The following HPSE2 variants were observed in gnomAD, a reference collection of about 807,000 sequenced individuals.
HPSE2 encodes the protein inactive heparanase-2.
A neutral mutation model predicts 60.5 loss-of-function variants in HPSE2; 38 were observed. That is an observed-to-expected ratio of 0.63 (90% CI 0.48 to 0.82). The LOEUF is 0.82. HPSE2 is among the 40% of genes least tolerant of loss of function. The pLI is 0.00. For synonymous variants in HPSE2, 295 were observed against 293.2 expected, an observed-to-expected ratio of 1.01 and a Z score of -0.06; for missense variants, 713 against 740.4, an observed-to-expected ratio of 0.96 and a Z score of 0.43.
At chr10:98,681,324 T>G (rs190877008) in intron 6 of HPSE2, among the ~76,000 whole-genome samples, 1 of 152,224 alleles carries the variant, frequency 6.6e-6, no homozygotes, top group East Asian at 1.9e-4. Flanking sequence ...AGATAAGTGG[T>G]GATACCAGTG....
At chr10:98,748,028 A>G (rs998880943) in intron 3 of HPSE2, among the ~76,000 whole-genome samples, 12 of 152,254 alleles carry the variant, frequency 7.9e-5, no homozygotes, top group African/African-American at 2.2e-4. Flanking sequence ...GCTGGGCGCA[A>G]TGGCTCACAC....
At chr10:98,815,745 T>A (rs181768495) in intron 3 of HPSE2, among the ~76,000 whole-genome samples, 180 of 152,254 alleles carry the variant, frequency 1.2e-3, no homozygotes, top group Admixed American at 4.7e-3. Context: ...TGATGGTTTG[T>A]GTTGTGCTAA....
chr10:98,490,059 G>A lies in HPSE2; in HGVS notation c.1458C>T (p.Asn486=), dbSNP rs1941585491. The A allele has an allele frequency of 6.2e-7, 1 of 1,614,200 alleles. No individual in the cohort carries two copies. The highest frequency in any genetic ancestry group is 8.5e-7 in the Non-Finnish European group (1 of 1,180,026). The change falls in exon 10 of 12, where the codon AAC becomes AAT. Residue 486 remains asparagine, a synonymous_variant. Transcript: ENST00000370552. ...DKLRIYAHCT[N]HHNHNYVRGS... ...TCTTTCTGAGGACTTACTTGTGGTG[G>A]TTTGTGCAGTGAGCATAAATCCTTA...
intron 3 of HPSE2, among the ~76,000 whole-genome samples, chr10:98,913,008 G>A (rs11189863): frequency 0.016 from 2,361 of 152,088 alleles, 61 homozygotes; most frequent in African/African-American, 0.054. Context: ...TGATTATTAC[G>A]CATTGCATGC....
At chr10:99,143,416 C>G (rs185427136) in intron 3 of HPSE2, among the ~76,000 whole-genome samples, 1 of 152,232 alleles carries the variant, frequency 6.6e-6, no homozygotes, top group Non-Finnish European at 1.5e-5. Flanking sequence ...CATAGCCTGT[C>G]AGACAATCCA....
chr10:99,157,878 T>C (rs989144371), intron 2 of HPSE2, among the ~76,000 whole-genome samples: 2 of 110,468 alleles, frequency 1.8e-5, no homozygotes, highest in African/African-American at 5.5e-5. Context: ...ATATCCAGAA[T>C]CTACAATGAA....
intron 3 of HPSE2, among the ~76,000 whole-genome samples, chr10:99,032,514 C>T (rs925882381): frequency 1.3e-5 from 2 of 152,102 alleles, no homozygotes; most frequent in African/African-American, 4.8e-5. Context: ...TTATTTATGC[C>T]TCTGCTTTTA....
At chr10:98,557,956 C>T (rs1375629493) in intron 9 of HPSE2, among the ~76,000 whole-genome samples, 1 of 152,066 alleles carries the variant, frequency 6.6e-6, no homozygotes, top group Non-Finnish European at 1.5e-5. Flanking sequence ...AAGAAAAGGA[C>T]AGACAGTTTG....
intron 2 of HPSE2, among the ~76,000 whole-genome samples, chr10:99,145,468 AAAG>A (rs886138195): frequency 1.3e-4 from 20 of 150,862 alleles, no homozygotes; most frequent in African/African-American, 4.1e-4. Flanking sequence ...AAAAAAAAAA[AAAG>A]AAGAAGAAGA....
At chr10:98,746,163 C>T (rs574835453) in intron 3 of HPSE2, among the ~76,000 whole-genome samples, 4 of 48,926 alleles carry the variant, frequency 8.2e-5, no homozygotes, top group Non-Finnish European at 2.4e-4. Flanking sequence ...TGGGCAACAA[C>T]AACAACAACA....
intron 6 of HPSE2, among the ~76,000 whole-genome samples, chr10:98,647,812 CT>C (rs935354970): frequency 3.3e-5 from 5 of 152,130 alleles, no homozygotes; most frequent in African/African-American, 1.2e-4. Flanking sequence ...TTCAGAACTG[CT>C]TTGGGCAGGA....
intron 3 of HPSE2, among the ~76,000 whole-genome samples, chr10:99,042,886 G>A (rs1957771867): frequency 6.6e-6 from 1 of 152,164 alleles, no homozygotes; most frequent in Non-Finnish European, 1.5e-5. Flanking sequence ...ACAAGACTAA[G>A]TCTATTGGCC....
At chr10:98,610,607 G>T (rs918346971) in intron 9 of HPSE2, among the ~76,000 whole-genome samples, 15 of 152,202 alleles carry the variant, frequency 9.9e-5, no homozygotes, top group African/African-American at 3.6e-4. Flanking sequence ...AAAAAAGCAT[G>T]CTGGCAGTAA....
chr10:98,985,948 T>C (rs1956333726), intron 3 of HPSE2, among the ~76,000 whole-genome samples: 1 of 152,178 alleles, frequency 6.6e-6, no homozygotes, highest in South Asian at 2.1e-4. Flanking sequence ...CTAACTATCC[T>C]AAATATATAT....
intron 3 of HPSE2, among the ~76,000 whole-genome samples, chr10:98,929,440 C>CTGGCCCT (rs1271025839): frequency 6.9e-6 from 1 of 144,034 alleles, no homozygotes; most frequent in South Asian, 2.1e-4. Context: ...AGATAATACT[C>CTGGCCCT]AAGATCCTTT....
intron 9 of HPSE2, among the ~76,000 whole-genome samples, chr10:98,544,128 G>T (rs916786985): frequency 1.3e-5 from 2 of 152,062 alleles, no homozygotes; most frequent in African/African-American, 4.8e-5. Context: ...TTAACAAACT[G>T]TCTCTCAGAC....
intron 3 of HPSE2, among the ~76,000 whole-genome samples, chr10:98,868,076 AG>A (rs1952637258): frequency 1.0e-5 from 1 of 98,196 alleles, no homozygotes; most frequent in African/African-American, 3.9e-5. Context: ...AAAGAAAGAA[AG>A]AAAATAAATA....
chr10:98,938,252 G>T lies in HPSE2; in HGVS notation c.611-194196C>A, dbSNP rs536849452. 8.9e-4 allele frequency among the ~76,000 whole-genome samples: 129 copies of T among 144,982 alleles called. 5 individuals carry two copies. The highest frequency in any genetic ancestry group is 3.5e-3 in the Middle Eastern group (1 of 282). ...AAGCTGGACGGAGAATGACTTTGAC[G>T]AGTTGAGAGAAGAAGGCTTCAGATG... On this transcript the variant is annotated intron_variant, in intron 3 of 11. Transcript: ENST00000370552.
chr10:98,657,267 C>T (rs1383687437), intron 6 of HPSE2, among the ~76,000 whole-genome samples: 1 of 147,666 alleles, frequency 6.8e-6, no homozygotes, highest in African/African-American at 2.5e-5. Flanking sequence ...CTTATTTATA[C>T]AAAGCAATGC....
Sources: allele counts gnomAD v4.1 joint callset (sites outside exome capture counted in the v4.1 genomes callset), GRCh38; gene constraint gnomAD v4.1.1; transcripts MANE v1.5; gene names NCBI Gene and HGNC (gene_info 2026-07-23, HGNC 2026-07-21).